STXBP5L: variants seen among roughly 807,000 people sequenced by gnomAD.
The protein encoded by STXBP5L is syntaxin-binding protein 5-like.
Under a neutral mutation model 144.5 loss-of-function variants are expected in STXBP5L, and 65 were observed. The observed-to-expected ratio is 0.45, with a 90% CI of 0.37 to 0.55. The LOEUF (loss-of-function observed/expected upper bound fraction) is 0.55, where lower values mean the gene tolerates loss of function less well. Among genes scored for constraint, STXBP5L ranks in the 20% least tolerant of loss-of-function variants. The pLI is 0.00. For missense variants in STXBP5L, 1,298 were observed against 1,405.5 expected (o/e 0.92, Z 1.22); for synonymous variants, 505 against 469.6 (o/e 1.08, Z -0.97).
At chr3:121,114,494 A>G (rs1414442181) in intron 5 of STXBP5L, among the ~76,000 whole-genome samples, 1 of 152,164 alleles carries the variant, frequency 6.6e-6, no homozygotes, top group Non-Finnish European at 1.5e-5. Context: ...ATGTATTTGA[A>G]GCAAATATGA....
intron 9 of STXBP5L, among the ~76,000 whole-genome samples, chr3:121,174,808 A>G (rs934887924): frequency 2.6e-5 from 4 of 152,232 alleles, no homozygotes; most frequent in African/African-American, 4.8e-5. Context: ...TTCTTGCTGG[A>G]GAAAGGAAAC....
intron 2 of STXBP5L, among the ~76,000 whole-genome samples, chr3:120,951,574 T>A (rs113303032): frequency 0.21 from 32,452 of 152,036 alleles, 3,694 homozygotes; most frequent in Non-Finnish European, 0.26. Context: ...TCACTGGCCA[T>A]CGGAGAAATG....
chr3:121,052,336 A>C (rs1421043632), intron 5 of STXBP5L, among the ~76,000 whole-genome samples: 2 of 152,296 alleles, frequency 1.3e-5, no homozygotes, highest in East Asian at 3.9e-4. Flanking sequence ...CATCGATGCA[A>C]AAATCCTCAA....
chr3:121,250,001 T>C (rs1331041874), intron 14 of STXBP5L, among the ~76,000 whole-genome samples: 1 of 152,122 alleles, frequency 6.6e-6, no homozygotes, highest in Non-Finnish European at 1.5e-5. Context: ...AATATGGTAG[T>C]TGATTTTTTA....
chr3:121,361,738 T>C (rs1295566883), intron 20 of STXBP5L, among the ~76,000 whole-genome samples: 4 of 152,060 alleles, frequency 2.6e-5, no homozygotes, highest in Admixed American at 2.6e-4. Flanking sequence ...AACACAGCTA[T>C]TTTGAGTTCT....
intron 2 of STXBP5L, among the ~76,000 whole-genome samples, chr3:120,942,547 A>G (rs942730053): frequency 4.0e-5 from 6 of 151,558 alleles, no homozygotes; most frequent in African/African-American, 1.2e-4. Flanking sequence ...ACAGACTTCA[A>G]ATTTACAACT....
chr3:121,022,065 A>G (rs1196502258), intron 3 of STXBP5L, among the ~76,000 whole-genome samples: 1 of 152,152 alleles, frequency 6.6e-6, no homozygotes, highest in African/African-American at 2.4e-5. Flanking sequence ...AATAAACCCC[A>G]TTAGAAATGA....
At chr3:121,260,826 C>T (rs1233169420) in intron 18 of STXBP5L, among the ~76,000 whole-genome samples, 2 of 151,972 alleles carry the variant, frequency 1.3e-5, no homozygotes, top group Non-Finnish European at 2.9e-5. Flanking sequence ...CTTTGAGTAC[C>T]TGGAATTTTC....
intron 3 of STXBP5L, among the ~76,000 whole-genome samples, chr3:120,965,546 G>T (rs1939459828): frequency 6.6e-6 from 1 of 152,098 alleles, no homozygotes; most frequent in East Asian, 1.9e-4. Flanking sequence ...GCCTAGTTTG[G>T]CTGGATATGA....
At position 121,419,190 on chromosome 3, in the gene STXBP5L, C is replaced by T; in HGVS notation, c.*93C>T. 2.4e-6 allele frequency: 3 copies of T among 1,239,530 alleles called. No homozygotes were observed. The South Asian group carries it at 4.2e-5, about 18-fold the overall frequency. The allele number at this position is 1,239,530 out of a possible 1,614,324, so 76.8% of individuals were successfully genotyped here. ...CTACTCAACTGCTAGAAGCCAGTTTCTTCTACAAAATGTTCCATTTACAGT... is the reference window on the plus strand; with the variant it reads ...CTACTCAACTGCTAGAAGCCAGTTTTTTCTACAAAATGTTCCATTTACAGT... On this transcript the variant is annotated 3_prime_UTR_variant, in exon 27 of 27. Transcript: ENST00000471454.
intron 19 of STXBP5L, among the ~76,000 whole-genome samples, chr3:121,283,201 G>A (rs2051119572): frequency 6.6e-6 from 1 of 151,852 alleles, no homozygotes; most frequent in South Asian, 2.1e-4. Context: ...CATATATGTT[G>A]TTTGTAACCT....
chr3:121,052,935 A>T (rs531752454), intron 5 of STXBP5L, among the ~76,000 whole-genome samples: 1 of 152,216 alleles, frequency 6.6e-6, no homozygotes, highest in Non-Finnish European at 1.5e-5. Context: ...AATCACAAGC[A>T]TTCTTATACA....
chr3:120,981,674 T>C (rs544219445), intron 3 of STXBP5L, among the ~76,000 whole-genome samples: 1 of 152,368 alleles, frequency 6.6e-6, no homozygotes, highest in East Asian at 1.9e-4. Flanking sequence ...TTCTTTATCT[T>C]TGAATTTTCA....
intron 20 of STXBP5L, among the ~76,000 whole-genome samples, chr3:121,354,966 G>A (rs9862193): frequency 6.6e-6 from 1 of 152,044 alleles, no homozygotes; most frequent in South Asian, 2.1e-4. Context: ...AGTTTGGCTG[G>A]ATATGAAATT....
intron 9 of STXBP5L, 29 bp downstream of exon 9, chr3:121,157,656 A>G (rs763741542): frequency 1.3e-6 from 2 of 1,580,802 alleles, no homozygotes; most frequent in South Asian, 1.2e-5. Flanking sequence ...AAAGGAATAA[A>G]CACTGGCAAT....
intron 3 of STXBP5L, among the ~76,000 whole-genome samples, chr3:121,033,759 T>C (rs1423479994): frequency 6.6e-6 from 1 of 151,840 alleles, no homozygotes; most frequent in East Asian, 1.9e-4. Context: ...AGATAAATTA[T>C]AGTGTTTTAT....
intron 20 of STXBP5L, among the ~76,000 whole-genome samples, chr3:121,334,390 T>C (rs2044429375): frequency 6.6e-6 from 1 of 152,122 alleles, no homozygotes; most frequent in Non-Finnish European, 1.5e-5. Context: ...CTCCAACTCA[T>C]TTTTTGAGGT....
At chr3:121,323,839 C>T (rs919068662) in intron 20 of STXBP5L, among the ~76,000 whole-genome samples, 1 of 152,062 alleles carries the variant, frequency 6.6e-6, no homozygotes, top group Non-Finnish European at 1.5e-5. Flanking sequence ...CTTCACTTAC[C>T]TGGTACAGGA....
At chr3:121,372,306 G>A (rs922851936) in intron 20 of STXBP5L, among the ~76,000 whole-genome samples, 7 of 152,128 alleles carry the variant, frequency 4.6e-5, no homozygotes, top group South Asian at 2.1e-4. Context: ...TAGAGTTCAG[G>A]CCTCACAGTT....
Sources: gnomAD v4.1 joint callset for allele counts (sites outside exome capture counted in the v4.1 genomes callset) on GRCh38, gnomAD v4.1.1 for gene constraint, MANE v1.5 for transcripts, NCBI Gene and HGNC (gene_info 2026-07-23, HGNC 2026-07-21) for gene names.